ISL1: variants seen among roughly 807,000 people sequenced by gnomAD.
ISL1 encodes ISL LIM homeobox 1.
ISL1 carries 4 observed loss-of-function variants against 35.3 expected under a neutral mutation model. The ratio of observed to expected loss-of-function variants is 0.11; its 90% CI spans 0.06 to 0.26. ISL1 has a LOEUF of 0.26. Among genes scored for constraint, ISL1 ranks in the 10% least tolerant of loss-of-function variants. The pLI is 1.00. For synonymous variants in ISL1, 186 were observed against 172.3 expected (o/e 1.08, Z -0.62); for missense variants, 340 against 472.8 (o/e 0.72, Z 2.60).
rs1031057661 is a variant in ISL1, at chr5:51,383,478, C to T, written c.-194C>T. The T allele has an allele frequency of 9.4e-6, 6 of 635,902 alleles. No individual in the cohort carries two copies. Among genetic ancestry groups the T allele is most frequent in the Non-Finnish European group, 8.5e-6 (3 of 352,958 alleles). The allele number at this position is 635,902 out of a possible 1,614,324, so 39.4% of individuals were successfully genotyped here. On this transcript the variant is annotated 5_prime_UTR_variant, in exon 1 of 6. Transcript: ENST00000230658. ...TGCCGCCGCCGCAGCGCCTCCGCTC[C>T]GCCAACTCCGCCGGCTTAAATTGGA...
At chr5:51,392,574 T>A (rs576021957) in intron 5 of ISL1, among the ~76,000 whole-genome samples, 26 of 152,300 alleles carry the variant, frequency 1.7e-4, no homozygotes, top group Non-Finnish European at 3.5e-4. Flanking sequence ...TAATCTCATA[T>A]TGGAAAAATT....
rs549332913 is a variant in ISL1, at chr5:51,393,451, A to C, written c.934-43A>C. ...ATGAGTTTATAATCTTTTTATGAAT[A>C]CTATTCCAGTGTCCTTTATTTATTT... On this transcript the variant is annotated intron_variant, in intron 5 of 5. Transcript: ENST00000230658. 27 of 1,035,844 alleles carry C rather than the reference A, an allele frequency of 2.6e-5. No homozygotes were observed. The East Asian group carries it at 6.2e-4, about 24-fold the overall frequency. The allele number at this position is 1,035,844 out of a possible 1,614,324, so 64.2% of individuals were successfully genotyped here.
chr5:51,390,636 C>CTTTTTTTTTTTTTTTTTTTTTTTTT (rs1216503548), intron 4 of ISL1, among the ~76,000 whole-genome samples: 2 of 74,326 alleles, frequency 2.7e-5, no homozygotes, highest in East Asian at 8.3e-4. Flanking sequence ...TCTTTTCTTT[C>CTTTTTTTTTTTTTTTTTTTTTTTTT]TTTTTCTTTT....
chr5:51,389,894 A>T lies in ISL1; in HGVS notation c.727A>T (p.Met243Leu). 3 of 1,614,140 alleles carry T rather than the reference A, an allele frequency of 1.9e-6. No individual in the cohort carries two copies. Among genetic ancestry groups the T allele is most frequent in the Non-Finnish European group, 2.5e-6 (3 of 1,179,976 alleles). ...CAAGGACAAGAAGCGAAGCATCATGATGAAGCAACTCCAGCAGCAGCAGCC... is the reference window on the plus strand; with the variant it reads ...CAAGGACAAGAAGCGAAGCATCATGTTGAAGCAACTCCAGCAGCAGCAGCC... Reference protein sequence around the residue: ...RCKDKKRSIMMKQLQQQQPND... With the variant: ...RCKDKKRSIMLKQLQQQQPND... Residue 243 changes from methionine (M) to leucine (L), a missense_variant, in exon 4 of 6, where the codon ATG (methionine) becomes TTG (leucine). By Grantham distance (15) the Met-to-Leu change is conservative (BLOSUM62 2). Transcript: ENST00000230658. The surrounding 1 kb of genome is among the most constrained non-coding windows in gnomAD (Gnocchi z 5.0).
At position 51,394,461 on chromosome 5, in the gene ISL1, CT is replaced by C. The variant is rs1302060532; in HGVS notation, c.*858del. 3.4e-5 allele frequency: 5 copies of C among 147,970 alleles called. No homozygotes were observed. Among genetic ancestry groups the C allele is most frequent in the Admixed American group, 1.3e-4 (2 of 14,876 alleles). 9.2% of individuals were successfully genotyped at this position (147,970 alleles called of 1,614,324 possible). Reference sequence around the variant, plus strand: ...ATAAAAAGGAAAAAAAAAAAGGAAACTTTTTTTGTTTGCTCTTGCATTGCAA... The same window carrying C: ...ATAAAAAGGAAAAAAAAAAAGGAAACTTTTTTGTTTGCTCTTGCATTGCAA... On this transcript the variant is annotated 3_prime_UTR_variant, in exon 6 of 6. Coordinates refer to ENST00000230658, the MANE Select transcript of ISL1 (RefSeq NM_002202.3).
At chr5:51,392,185 T>A (rs1046868972) in intron 5 of ISL1, among the ~76,000 whole-genome samples, 1 of 152,218 alleles carries the variant, frequency 6.6e-6, no homozygotes, top group Admixed American at 6.5e-5. Context: ...AACCTTAACA[T>A]GTTTTCCACA....
rs1747443123 is a variant in ISL1 at position 51,389,781 on chromosome 5, G to A, written c.614G>A (p.Arg205Gln). The A allele has an allele frequency of 6.2e-7, 1 of 1,614,088 alleles. No individual in the cohort carries two copies. The highest frequency in any genetic ancestry group is 1.3e-5 in the African/African-American group (1 of 74,946). Residue 205 changes from arginine (R) to glutamine (Q), a missense_variant, in exon 4 of 6, where the codon CGG (arginine) becomes CAG (glutamine). This residue lies in a region of ISL1 where 24 missense variants were observed against 59.7 expected (regional missense o/e 0.40). Transcript: ENST00000230658. This position sits in a 1 kb window ranked among gnomAD's most constrained non-coding sequence, Gnocchi z 5.0. ...CGGACCTGCTACGCCGCAAACCCGCGGCCAGATGCGCTCATGAAGGAGCAA... is the reference window on the plus strand; with the variant it reads ...CGGACCTGCTACGCCGCAAACCCGCAGCCAGATGCGCTCATGAAGGAGCAA... ...TLRTCYAANP[R>Q]PDALMKEQLV...
rs1477767430 is a variant in ISL1 at position 51,387,822 on chromosome 5, A to G, written c.478+73A>G. On this transcript the variant is annotated intron_variant, in intron 3 of 5. Coordinates refer to ENST00000230658, the MANE Select transcript of ISL1 (RefSeq NM_002202.3). The surrounding 1 kb of genome is among the most constrained non-coding windows in gnomAD (Gnocchi z 4.3). Reference sequence around the variant, plus strand: ...CTGTGTGCCAGCGGCCACAACAACTATGGTAGCTACAGGGGTGGTCGTAGT... The same window carrying G: ...CTGTGTGCCAGCGGCCACAACAACTGTGGTAGCTACAGGGGTGGTCGTAGT... 2 of 1,575,438 alleles carry G rather than the reference A, an allele frequency of 1.3e-6. No homozygotes were observed. Among genetic ancestry groups the G allele is most frequent in the Non-Finnish European group, 8.7e-7 (1 of 1,155,850 alleles).
intron 5 of ISL1, 112 bp downstream of exon 5, chr5:51,391,553 G>A: frequency 8.2e-7 from 1 of 1,222,186 alleles, no homozygotes; most frequent in Non-Finnish European, 1.2e-6. Flanking sequence ...GCTCAGGGTT[G>A]GGGAGAAACC....
chr5:51,392,406 T>G (rs1273575702), intron 5 of ISL1, among the ~76,000 whole-genome samples: 1 of 152,126 alleles, frequency 6.6e-6, no homozygotes, highest in Non-Finnish European at 1.5e-5. Context: ...AAATGAAGCT[T>G]TAGTTGAGGT....
At chr5:51,383,832 T>G in intron 1 of ISL1, 133 bp downstream of exon 1, 1 of 801,390 alleles carries the variant, frequency 1.2e-6, no homozygotes, top group South Asian at 1.4e-5. Flanking sequence ...AGGTGGCTTT[T>G]TCTTGTTGCC....
At position 51,387,890 on chromosome 5, in the gene ISL1, C is replaced by T; in HGVS notation, c.478+141C>T. ...TGAAGTGTTCTGTATGCAATTTGCG[C>T]TGTGCTCTGCTCCTTTGCAGCAAGG... On this transcript the variant is annotated intron_variant, in intron 3 of 5. Coordinates refer to ENST00000230658, the MANE Select transcript of ISL1 (RefSeq NM_002202.3). This position sits in a 1 kb window ranked among gnomAD's most constrained non-coding sequence, Gnocchi z 4.3. 1 of 1,099,032 alleles carries T rather than the reference C, an allele frequency of 9.1e-7. No homozygotes were observed. The highest frequency in any genetic ancestry group is 1.5e-5 in the African/African-American group (1 of 64,824). The allele number at this position is 1,099,032 out of a possible 1,614,324, so 68.1% of individuals were successfully genotyped here. A position where few individuals can be genotyped will look rare whatever the true frequency, so the allele number is the denominator to read the frequency against.
At chr5:51,386,879 G>A (rs1747353651) in intron 2 of ISL1, among the ~76,000 whole-genome samples, 1 of 152,174 alleles carries the variant, frequency 6.6e-6, no homozygotes, top group South Asian at 2.1e-4. Flanking sequence ...TGCAAAAGGA[G>A]ATGTGGAAAC....
rs2288468 is a variant in ISL1 at position 51,387,821 on chromosome 5, T to C, written c.478+72T>C. 609,602 of 1,581,796 alleles carry C rather than the reference T, an allele frequency of 0.39. 121,430 individuals are homozygous for C. The highest frequency in any genetic ancestry group is 0.62 in the African/African-American group (45,962 of 74,308). ...CCTGTGTGCCAGCGGCCACAACAACTATGGTAGCTACAGGGGTGGTCGTAG... is the reference window on the plus strand; with the variant it reads ...CCTGTGTGCCAGCGGCCACAACAACCATGGTAGCTACAGGGGTGGTCGTAG... On this transcript the variant is annotated intron_variant, in intron 3 of 5. Transcript: ENST00000230658. The surrounding 1 kb of genome is among the most constrained non-coding windows in gnomAD (Gnocchi z 4.3).
At chr5:51,391,794 T>A (rs936868612) in intron 5 of ISL1, among the ~76,000 whole-genome samples, 8 of 152,122 alleles carry the variant, frequency 5.3e-5, no homozygotes, top group African/African-American at 1.7e-4. Context: ...GTCAAGGACT[T>A]CAGGAAATCG....
chr5:51,392,003 A>G (rs2111856307), intron 5 of ISL1, among the ~76,000 whole-genome samples: 1 of 152,356 alleles, frequency 6.6e-6, no homozygotes, highest in South Asian at 2.1e-4. Context: ...AAATAGATGA[A>G]TACTTTTTGT....
intron 1 of ISL1, 54 bp downstream of exon 1, chr5:51,383,753 C>T: frequency 2.0e-6 from 3 of 1,478,928 alleles, no homozygotes; most frequent in Middle Eastern, 1.7e-4. Flanking sequence ...GTGCGGGGTT[C>T]TCTCTCAGGC....
intron 4 of ISL1, among the ~76,000 whole-genome samples, chr5:51,390,340 C>G (rs1747463344): frequency 6.6e-6 from 1 of 152,164 alleles, no homozygotes; most frequent in African/African-American, 2.4e-5. Flanking sequence ...AGGGATAATA[C>G]CTTGGATTCC....
intron 5 of ISL1, 82 bp downstream of exon 5, chr5:51,391,523 T>C: frequency 6.6e-7 from 1 of 1,511,526 alleles, no homozygotes; most frequent in Non-Finnish European, 9.1e-7. Context: ...AAAGATTCAG[T>C]GGGGAGGGTG....
Sources: allele counts gnomAD v4.1 joint callset (sites outside exome capture counted in the v4.1 genomes callset), GRCh38; gene constraint gnomAD v4.1.1; regional missense constraint gnomAD v4.1.1; non-coding constraint Gnocchi (gnomAD v3.1); transcripts MANE v1.5; gene names NCBI Gene and HGNC (gene_info 2026-07-23, HGNC 2026-07-21).